The following DDX4 variants were observed in gnomAD, a reference collection of about 807,000 sequenced individuals.
DDX4 encodes DEAD-box helicase 4, also known as probable ATP-dependent RNA helicase DDX4.
In DDX4, 25 loss-of-function variants were observed where a neutral mutation model predicts 100.0. The observed-to-expected ratio is 0.25, with a 90% CI of 0.18 to 0.35. DDX4 has a LOEUF of 0.35. Ranked by LOEUF, DDX4 falls within the 10% of genes least tolerant of loss-of-function variation. The pLI is 1.00. For synonymous variants in DDX4, 259 were observed against 275.7 expected (o/e 0.94, Z 0.60); for missense variants, 635 against 882.4 (o/e 0.72, Z 3.55).
chr5:55,814,897 C>A lies in DDX4; in HGVS notation c.1716-4C>A, dbSNP rs1188201688. ...TCTAATAACATGCTTTCTTTTCTTTCAAGTGATCGGGAACAGAGAGAGCGG... is the reference window on the plus strand; with the variant it reads ...TCTAATAACATGCTTTCTTTTCTTTAAAGTGATCGGGAACAGAGAGAGCGG... On this transcript the variant is annotated splice_polypyrimidine_tract_variant and splice_region_variant and intron_variant, in intron 19 of 21. Transcript: ENST00000505374. 2 of 1,604,334 alleles carry A rather than the reference C, an allele frequency of 1.2e-6. No homozygotes were observed. Among genetic ancestry groups the A allele is most frequent in the East Asian group, 2.2e-5 (1 of 44,688 alleles).
chr5:55,767,496 T>C (rs907807014), intron 6 of DDX4, among the ~76,000 whole-genome samples: 1 of 152,212 alleles, frequency 6.6e-6, no homozygotes, highest in African/African-American at 2.4e-5. Flanking sequence ...AAGAGTCTAG[T>C]GGTCTATGGA....
At chr5:55,795,029 G>A (rs1742837669) in intron 17 of DDX4, among the ~76,000 whole-genome samples, 1 of 148,966 alleles carries the variant, frequency 6.7e-6, no homozygotes, top group South Asian at 2.1e-4. Flanking sequence ...ACAATGGCAC[G>A]ATCTCGGCTC....
chr5:55,814,845 A>C, intron 19 of DDX4, 56 bp from the exon 20 acceptor site: 5 of 1,538,970 alleles, frequency 3.2e-6, no homozygotes, highest in Non-Finnish European at 4.4e-6. Context: ...AACTTTAATG[A>C]TTCACTTTAA....
At chr5:55,767,730 CTG>C (rs1741012154) in intron 6 of DDX4, 149 bp from the exon 7 acceptor site, 7 of 564,442 alleles carry the variant, frequency 1.2e-5, no homozygotes, top group South Asian at 8.9e-5. Context: ...CTTTATATAT[CTG>C]TTAAAATTAT....
chr5:55,815,460 G>A (rs772428573), intron 21 of DDX4, 37 bp downstream of exon 21: 1 of 1,585,154 alleles, frequency 6.3e-7, no homozygotes, highest in South Asian at 1.2e-5. Context: ...TTGTCTTCTA[G>A]TTACTCTTTG....
intron 18 of DDX4, among the ~76,000 whole-genome samples, chr5:55,799,179 C>T (rs1743147137): frequency 6.6e-6 from 1 of 152,090 alleles, no homozygotes; most frequent in Non-Finnish European, 1.5e-5. Context: ...GCGATCCTCC[C>T]ACCTCAGCTT....
At chr5:55,803,354 T>C (rs1172574127) in intron 18 of DDX4, among the ~76,000 whole-genome samples, 4 of 151,142 alleles carry the variant, frequency 2.6e-5, no homozygotes, top group Admixed American at 1.3e-4. Flanking sequence ...CTTTAAGTTT[T>C]AGGGTACATG....
chr5:55,811,343 G>A (rs529376138), intron 18 of DDX4, among the ~76,000 whole-genome samples: 31 of 152,224 alleles, frequency 2.0e-4, no homozygotes, highest in Admixed American at 2.0e-4. Flanking sequence ...AGGACAAAAT[G>A]TGTCTCCCCC....
chr5:55,786,576 A>G lies in DDX4; in HGVS notation c.923A>G (p.Tyr308Cys). The G allele has an allele frequency of 6.2e-7, 1 of 1,613,112 alleles. No individual in the cohort carries two copies. Among genetic ancestry groups the G allele is most frequent in the South Asian group, 1.1e-5 (1 of 91,054 alleles). The change falls in exon 14 of 22, where the codon TAT becomes TGT. Residue 308 changes from tyrosine (Y) to cysteine (C), a missense_variant. Physicochemically the swap from Tyr to Cys is radical, Grantham distance 194. Around this residue, in one of 4 missense-constraint regions of DDX4, gnomAD observed 446 missense variants for 540.8 expected, o/e 0.82. Coordinates refer to ENST00000505374, the MANE Select transcript of DDX4 (RefSeq NM_024415.3). ...TLNNNIAKAG[Y>C]TKLTPVQKYS... ...AATAACAACATTGCTAAAGCTGGTT[A>G]TACTAAGCTTACTCCTGTGCAAAAA...
chr5:55,742,461 G>C (rs1046501821), intron 2 of DDX4, among the ~76,000 whole-genome samples: 11 of 152,138 alleles, frequency 7.2e-5, no homozygotes, highest in African/African-American at 2.7e-4. Flanking sequence ...TTATTAAGCA[G>C]CAGTAGCAAT....
At chr5:55,785,941 G>A in intron 13 of DDX4, 70 bp downstream of exon 13, 2 of 1,089,344 alleles carry the variant, frequency 1.8e-6, no homozygotes, top group Non-Finnish European at 2.8e-6. Context: ...TATGTAGTTT[G>A]TAAAGCTGAT....
In DDX4 at chr5:55,777,094, GA is replaced by G. The variant is rs570198742; in HGVS notation, c.395-2868del. Among the ~76,000 whole-genome samples the G allele has an allele frequency of 2.6e-5, 4 of 152,176 alleles. No homozygotes were observed. In the South Asian group the frequency reaches 8.3e-4, roughly 31 times the overall value. On this transcript the variant is annotated intron_variant, in intron 7 of 21. Transcript: ENST00000505374. ...CCAATAGAAGGACAGAGCTTTGTAG[GA>G]AGGAAGGTAGATTGAAAATAGTTTA...
At position 55,787,917 on chromosome 5, in the gene DDX4, G is replaced by A. The variant is rs368094080; in HGVS notation, c.1089G>A (p.Leu363=). The change falls in exon 15 of 22, where the codon TTG becomes TTA. Residue 363 remains leucine (L), a synonymous_variant. Transcript: ENST00000505374. ...TAACTGCCAGTCGTTTTAAAGAGTTGCAGGAACCAGAGTGTATTATTGTAG... is the reference window on the plus strand; with the variant it reads ...TAACTGCCAGTCGTTTTAAAGAGTTACAGGAACCAGAGTGTATTATTGTAG... The part of the protein sequence containing the change: ...DGITASRFKE[L]QEPECIIVAP... 26 of 1,613,884 alleles carry A rather than the reference G, an allele frequency of 1.6e-5. No individual in the cohort carries two copies. The African/African-American group carries it at 3.2e-4, about 20-fold the overall frequency.
intron 19 of DDX4, among the ~76,000 whole-genome samples, chr5:55,814,481 C>A (rs1206632621): frequency 6.6e-6 from 1 of 151,150 alleles, no homozygotes; most frequent in Non-Finnish European, 1.5e-5. Context: ...AAGAAGTGAA[C>A]ATTAATGTTA....
intron 2 of DDX4, among the ~76,000 whole-genome samples, chr5:55,744,736 G>A (rs1759164674): frequency 6.6e-6 from 1 of 152,240 alleles, no homozygotes; most frequent in South Asian, 2.1e-4. Context: ...TGTGACAAAT[G>A]TGATTAAAAT....
At chr5:55,760,049 C>A in intron 3 of DDX4, 151 bp from the exon 4 acceptor site, 1 of 565,574 alleles carries the variant, frequency 1.8e-6, no homozygotes, top group Non-Finnish European at 2.9e-6. Context: ...TTCATGTAGC[C>A]ATTTTTTTTT....
chr5:55,809,776 C>G (rs748468665), intron 18 of DDX4, among the ~76,000 whole-genome samples: 2 of 152,094 alleles, frequency 1.3e-5, no homozygotes, highest in Non-Finnish European at 2.9e-5. Flanking sequence ...ATGTACATCC[C>G]TAGTGAAGAA....
intron 18 of DDX4, among the ~76,000 whole-genome samples, chr5:55,800,129 A>G (rs916997327): frequency 6.6e-6 from 1 of 152,170 alleles, no homozygotes; most frequent in African/African-American, 2.4e-5. Flanking sequence ...ATTATTGGAC[A>G]TGTGTTAGCT....
rs146523678 is a variant in DDX4 at position 55,774,023 on chromosome 5, C to G, written c.395-5941C>G. On this transcript the variant is annotated intron_variant, in intron 7 of 21. Coordinates refer to ENST00000505374, the MANE Select transcript of DDX4 (RefSeq NM_024415.3). ...TGTATATCTTTGGAGAAATGTCTTT[C>G]AGATCCTTCACTCATTTTAACAATT... Among the ~76,000 whole-genome samples, 372 of 152,234 alleles carry G rather than the reference C, an allele frequency of 2.4e-3. 1 individual carries two copies. Among genetic ancestry groups the G allele is most frequent in the Non-Finnish European group, 4.3e-3 (294 of 68,018 alleles).
Sources: allele counts gnomAD v4.1 joint callset (sites outside exome capture counted in the v4.1 genomes callset), GRCh38; gene constraint gnomAD v4.1.1; regional missense constraint gnomAD v4.1.1; transcripts MANE v1.5; gene names NCBI Gene and HGNC (gene_info 2026-07-23, HGNC 2026-07-21).